AGPAT5: variants seen among roughly 807,000 people sequenced by gnomAD.
AGPAT5 encodes the protein 1-acylglycerol-3-phosphate O-acyltransferase 5.
AGPAT5 carries 46 observed loss-of-function variants against 45.6 expected under a neutral mutation model. That is an observed-to-expected ratio of 1.01 (90% CI 0.80 to 1.29). AGPAT5 has a LOEUF of 1.29. Ranked by LOEUF, AGPAT5 falls within the 50% of genes most tolerant of loss-of-function variation. The pLI, the probability that AGPAT5 is intolerant of heterozygous loss-of-function variation, is 0.00. For missense variants in AGPAT5, 673 were observed against 450.7 expected, an observed-to-expected ratio of 1.49 and a Z score of -4.47; for synonymous variants, 272 against 167.0, an observed-to-expected ratio of 1.63 and a Z score of -4.85.
At chr8:6,711,637 G>A (rs1314526488) in intron 1 of AGPAT5, among the ~76,000 whole-genome samples, 9 of 152,102 alleles carry the variant, frequency 5.9e-5, no homozygotes, top group African/African-American at 1.7e-4. Flanking sequence ...CAAACTAAGC[G>A]GCTTAAAATA....
chr8:6,749,497 G>A (rs867709400), intron 6 of AGPAT5, among the ~76,000 whole-genome samples: 19 of 152,270 alleles, frequency 1.2e-4, no homozygotes, highest in South Asian at 8.3e-4. Context: ...ACAGTGAAAC[G>A]TCTTCCTTGC....
At chr8:6,752,765 A>G (rs926399993) in intron 6 of AGPAT5, among the ~76,000 whole-genome samples, 6 of 152,242 alleles carry the variant, frequency 3.9e-5, no homozygotes. Context: ...AACATGAACT[A>G]TCCTTCAACT....
chr8:6,712,773 G>C (rs1341046256), intron 1 of AGPAT5, among the ~76,000 whole-genome samples: 1 of 152,206 alleles, frequency 6.6e-6, no homozygotes, highest in Non-Finnish European at 1.5e-5. Flanking sequence ...TGTTGAGATA[G>C]CTGCATAAAC....
At chr8:6,712,215 TTC>T (rs1408222393) in intron 1 of AGPAT5, among the ~76,000 whole-genome samples, 3 of 152,234 alleles carry the variant, frequency 2.0e-5, no homozygotes, top group African/African-American at 7.2e-5. Flanking sequence ...ATCTTTTAGT[TTC>T]TTATTTACAG....
At chr8:6,747,414 G>T (rs28470869) in intron 5 of AGPAT5, among the ~76,000 whole-genome samples, 1 of 152,142 alleles carries the variant, frequency 6.6e-6, no homozygotes, top group Non-Finnish European at 1.5e-5. Context: ...AAGCGTTTCC[G>T]CTAGGCCATA....
At position 6,709,719 on chromosome 8, in the gene AGPAT5, CT is replaced by C. The variant is rs796312751; in HGVS notation, c.219+843del. Among the ~76,000 whole-genome samples the C allele has an allele frequency of 2.0e-3, 302 of 148,428 alleles. 1 individual carries two copies. Among genetic ancestry groups the C allele is most frequent in the Non-Finnish European group, 3.2e-3 (211 of 66,670 alleles). Reference sequence around the variant, plus strand: ...GGACGGTATCATTTTGTCTTTTTAACTTTTTTTTTTTCCACCTACAGCAGCT... The same window carrying C: ...GGACGGTATCATTTTGTCTTTTTAACTTTTTTTTTTCCACCTACAGCAGCT... On this transcript the variant is annotated intron_variant, in intron 1 of 7. Coordinates refer to ENST00000285518, the MANE Select transcript of AGPAT5 (RefSeq NM_018361.5).
intron 4 of AGPAT5, among the ~76,000 whole-genome samples, chr8:6,738,155 C>G (rs1336255638): frequency 6.6e-6 from 1 of 152,194 alleles, no homozygotes; most frequent in African/African-American, 2.4e-5. Flanking sequence ...GTGGAAAGGA[C>G]CTAGCTTTTG....
intron 6 of AGPAT5, among the ~76,000 whole-genome samples, chr8:6,748,178 C>G (rs1219420599): frequency 2.0e-5 from 3 of 152,048 alleles, no homozygotes; most frequent in Non-Finnish European, 2.9e-5. Flanking sequence ...CAGTGCTGCC[C>G]TTTTGCTGTA....
At chr8:6,750,280 CCTT>C (rs1801617179) in intron 6 of AGPAT5, among the ~76,000 whole-genome samples, 1 of 152,204 alleles carries the variant, frequency 6.6e-6, no homozygotes, top group Non-Finnish European at 1.5e-5. Flanking sequence ...GAAGCCAAAA[CCTT>C]CTGTGAGTTG....
intron 5 of AGPAT5, among the ~76,000 whole-genome samples, chr8:6,746,679 C>G (rs1024022565): frequency 6.6e-6 from 1 of 152,194 alleles, no homozygotes; most frequent in East Asian, 1.9e-4. Flanking sequence ...TTGTCTTTCC[C>G]ACACCACCCT....
chr8:6,743,137 G>T (rs151276253), intron 5 of AGPAT5, among the ~76,000 whole-genome samples: 5 of 152,236 alleles, frequency 3.3e-5, no homozygotes, highest in East Asian at 3.9e-4. Context: ...ACTCTCTGGC[G>T]ATTACTTCCT....
At chr8:6,740,135 A>G (rs184299062) in intron 4 of AGPAT5, among the ~76,000 whole-genome samples, 10 of 152,242 alleles carry the variant, frequency 6.6e-5, no homozygotes, top group Admixed American at 3.9e-4. Flanking sequence ...CTGTCTGTCA[A>G]TGTTCTTTTA....
chr8:6,715,070 G>T (rs139444564), intron 1 of AGPAT5, among the ~76,000 whole-genome samples: 2 of 152,118 alleles, frequency 1.3e-5, no homozygotes, highest in African/African-American at 2.4e-5. Flanking sequence ...CAATATTCCC[G>T]TGTGTACATT....
intron 1 of AGPAT5, among the ~76,000 whole-genome samples, chr8:6,720,578 A>C (rs73661460): frequency 2.0e-5 from 3 of 152,132 alleles, no homozygotes; most frequent in Non-Finnish European, 2.9e-5. Context: ...TATGGATGCT[A>C]CCAAGCCTTC....
chr8:6,711,430 C>G (rs543033379), intron 1 of AGPAT5, among the ~76,000 whole-genome samples: 154 of 152,206 alleles, frequency 1.0e-3, no homozygotes, highest in Non-Finnish European at 1.9e-3. Context: ...TCCAGAATCT[C>G]TCATTGGTAC....
intron 1 of AGPAT5, among the ~76,000 whole-genome samples, chr8:6,724,089 A>C (rs1001673574): frequency 6.6e-6 from 1 of 152,220 alleles, no homozygotes; most frequent in Non-Finnish European, 1.5e-5. Flanking sequence ...ACAAAACAGC[A>C]GAAGGACTAA....
Position 6,732,668 on chromosome 8 carries a change from T to C in AGPAT5, c.495+18T>C. ...GAACTCCAGTAAGAGCCTACCCGTT[T>C]TTATTTTTCTTACCAGCTCTCAGTT... is the stretch of plus-strand genomic sequence containing the variant. On this transcript the variant is annotated intron_variant, in intron 4 of 7. Coordinates refer to ENST00000285518, the MANE Select transcript of AGPAT5 (RefSeq NM_018361.5). 6.4e-7 allele frequency: 1 copy of C among 1,558,362 alleles called. No individual in the cohort carries two copies. The highest frequency in any genetic ancestry group is 8.7e-7 in the Non-Finnish European group (1 of 1,153,336).
At chr8:6,749,319 C>T (rs1414587422) in intron 6 of AGPAT5, among the ~76,000 whole-genome samples, 4 of 149,656 alleles carry the variant, frequency 2.7e-5, no homozygotes, top group Non-Finnish European at 4.4e-5. Context: ...TGGTTATGGT[C>T]GAAGGAAAAA....
At chr8:6,750,363 G>A (rs1801619824) in intron 6 of AGPAT5, among the ~76,000 whole-genome samples, 1 of 152,188 alleles carries the variant, frequency 6.6e-6, no homozygotes, top group Admixed American at 6.5e-5. Flanking sequence ...TGTGGCTTTG[G>A]GGTGGTCACT....
Sources: allele counts gnomAD v4.1 joint callset (sites outside exome capture counted in the v4.1 genomes callset), GRCh38; gene constraint gnomAD v4.1.1; transcripts MANE v1.5; gene names NCBI Gene and HGNC (gene_info 2026-07-23, HGNC 2026-07-21).